COA6: variants seen among roughly 807,000 people sequenced by gnomAD.
COA6 encodes the protein cytochrome c oxidase assembly factor 6.
COA6 carries 12 observed loss-of-function variants against 17.1 expected under a neutral mutation model. The observed-to-expected ratio is 0.70, with a 90% confidence interval of 0.45 to 1.14. The LOEUF (loss-of-function observed/expected upper bound fraction) is 1.14, where lower values mean the gene tolerates loss of function less well. COA6 is among the 50% of genes most tolerant of loss of function. The probability of loss-of-function intolerance (pLI) is 0.00; values close to 1 mark genes in which losing one functional copy is unlikely to be tolerated. For missense variants in COA6, 246 were observed against 196.5 expected, an observed-to-expected ratio of 1.25 and a Z score of -1.51; for synonymous variants, 90 against 73.4, an observed-to-expected ratio of 1.23 and a Z score of -1.16.
In COA6 at chr1:234,374,270, A is replaced by C; in HGVS notation, c.253A>C (p.Arg85=). ...VGMAAPSMKE[R]QVCWGARDEY... ...AATGGCAGCCCCATCTATGAAGGAA[A>C]GACAGGTCTGCTGGGGGGCCCGGGA... Residue 85 remains arginine, a synonymous_variant, in exon 2 of 3, where the codon AGA becomes CGA. Coordinates refer to ENST00000366615, the MANE Select transcript of COA6 (RefSeq NM_001206641.3). 6.2e-7 allele frequency: 1 copy of C among 1,613,828 alleles called. No individual in the cohort carries two copies. Among genetic ancestry groups the C allele is most frequent in the Non-Finnish European group, 8.5e-7 (1 of 1,179,952 alleles).
rs1461162757 is a variant in COA6 at position 234,373,756 on chromosome 1, G to A, written c.212+78G>A. On this transcript the variant is annotated intron_variant, in intron 1 of 2. Transcript: ENST00000366615. ...GGTCCCTTACTGTCCCCGAGCCGCG[G>A]GTTCCTCTTGTGCAAAACGGGGTGG... 2.5e-6 allele frequency: 4 copies of A among 1,613,848 alleles called. No individual in the cohort carries two copies. In the South Asian group the frequency reaches 4.4e-5, roughly 18 times the overall value.
At chr1:234,380,094 A>T (rs1159341171) in intron 2 of COA6, among the ~76,000 whole-genome samples, 1 of 152,102 alleles carries the variant, frequency 6.6e-6, no homozygotes, top group Admixed American at 6.6e-5. Flanking sequence ...CTTCTGCACC[A>T]CTGTTCTTTC....
Position 234,383,792 on chromosome 1 carries a change from C to A in COA6, c.442C>A (p.Pro148Thr). ...KEKFEAGQFEPSETTAKS is the reference protein window; with the variant it reads ...KEKFEAGQFETSETTAKS Reference sequence around the variant, plus strand: ...AAAATTTGAAGCAGGACAATTTGAGCCTTCAGAAACAACTGCAAAATCCTA... The same window carrying A: ...AAAATTTGAAGCAGGACAATTTGAGACTTCAGAAACAACTGCAAAATCCTA... Residue 148 changes from proline (P) to threonine (T), a missense_variant, in exon 3 of 3, where the codon CCT becomes ACT. Physicochemically the swap from Pro to Thr is conservative, Grantham distance 38 (BLOSUM62 -1). Coordinates refer to ENST00000366615, the MANE Select transcript of COA6 (RefSeq NM_001206641.3). The A allele has an allele frequency of 6.3e-7, 1 of 1,576,880 alleles. No homozygotes were observed. The highest frequency in any genetic ancestry group is 8.7e-7 in the Non-Finnish European group (1 of 1,149,700).
At position 234,383,866 on chromosome 1, in the gene COA6, C is replaced by G. The variant is rs374349872; in HGVS notation, c.*48C>G. On this transcript the variant is annotated 3_prime_UTR_variant, in exon 3 of 3. Transcript: ENST00000366615. ...ATTCTTTCTGGACATTGAAAAAGCT[C>G]CACTGACTATGGAACAGTAATAGTT... 1 of 924,782 alleles carries G rather than the reference C, an allele frequency of 1.1e-6. No homozygotes were observed. The allele number at this position is 924,782 out of a possible 1,614,324, so 57.3% of individuals were successfully genotyped here. A position where few individuals can be genotyped will look rare whatever the true frequency, so the allele number is the denominator to read the frequency against.
chr1:234,383,114 G>A (rs1003261785), intron 2 of COA6, among the ~76,000 whole-genome samples: 3 of 151,602 alleles, frequency 2.0e-5, no homozygotes, highest in African/African-American at 7.3e-5. Flanking sequence ...ATGGTCCAAT[G>A]TGTTCTCATT....
intron 2 of COA6, among the ~76,000 whole-genome samples, chr1:234,383,433 T>C (rs1393569961): frequency 1.3e-5 from 2 of 151,636 alleles, no homozygotes; most frequent in Non-Finnish European, 2.9e-5. Flanking sequence ...ATACCTAATG[T>C]TAAATGGCGA....
At chr1:234,373,699 G>A (rs1221643712) in intron 1 of COA6, 21 bp downstream of exon 1, 2 of 1,613,624 alleles carry the variant, frequency 1.2e-6, no homozygotes, top group South Asian at 2.2e-5. Flanking sequence ...TGATGGGTCC[G>A]GGTGGGGCGC....
At chr1:234,373,930 G>A in intron 1 of COA6, 2 of 1,445,706 alleles carry the variant, frequency 1.4e-6, no homozygotes, top group African/African-American at 1.4e-5. Context: ...GCTGCCCTAA[G>A]CGACTGGGAC....
At chr1:234,382,880 G>A (rs1219364666) in intron 2 of COA6, among the ~76,000 whole-genome samples, 1 of 152,072 alleles carries the variant, frequency 6.6e-6, no homozygotes, top group African/African-American at 2.4e-5. Context: ...GGTAGCAGAT[G>A]CCTGTAATTG....
At chr1:234,381,587 TC>T (rs1658972646) in intron 2 of COA6, among the ~76,000 whole-genome samples, 1 of 152,158 alleles carries the variant, frequency 6.6e-6, no homozygotes, top group African/African-American at 2.4e-5. Context: ...AGTGACCTGA[TC>T]AAATTTGGGT....
At chr1:234,381,146 C>CT in intron 2 of COA6, among the ~76,000 whole-genome samples, 1 of 152,172 alleles carries the variant, frequency 6.6e-6, no homozygotes. Context: ...CATATATTGT[C>CT]TTTTTTCTAT....
rs1047996142 is a variant in COA6, at chr1:234,373,684, C to T, written c.212+6C>T. 10 of 1,612,706 alleles carry T rather than the reference C, an allele frequency of 6.2e-6. No individual in the cohort carries two copies. The highest frequency in any genetic ancestry group is 1.3e-5 in the African/African-American group (1 of 74,922). ...GGACGTGGGCGGGCAGAGAGGTCGGCTTGCTGATGGGTCCGGGTGGGGCGC... is the reference window on the plus strand; with the variant it reads ...GGACGTGGGCGGGCAGAGAGGTCGGTTTGCTGATGGGTCCGGGTGGGGCGC... On this transcript the variant is annotated splice_donor_region_variant and intron_variant, in intron 1 of 2. Transcript: ENST00000366615.
intron 2 of COA6, 59 bp downstream of exon 2, chr1:234,374,448 G>C (rs1027814726): frequency 1.3e-6 from 2 of 1,561,538 alleles, no homozygotes; most frequent in African/African-American, 1.4e-5. Context: ...CTTATACTGT[G>C]AGTGGTAGGC....
intron 2 of COA6, among the ~76,000 whole-genome samples, chr1:234,380,408 C>G (rs1449458319): frequency 6.6e-6 from 1 of 152,106 alleles, no homozygotes; most frequent in East Asian, 1.9e-4. Flanking sequence ...AACTAAGGTT[C>G]AGAAAGGTAA....
chr1:234,374,161 C>A, intron 1 of COA6, 69 bp from the exon 2 acceptor site: 4 of 1,261,408 alleles, frequency 3.2e-6, no homozygotes, highest in Non-Finnish European at 2.2e-6. Flanking sequence ...TGACGGTTTT[C>A]CTCTTTCCTT....
In COA6 at chr1:234,384,460, TAA is replaced by T. The variant is rs1357405165; in HGVS notation, c.*643_*644del. The stretch of plus-strand genomic sequence containing the variant: ...TGCACAAAAAGAGCTCCTAGAACTA[TAA>T]GTCAATCATAGAAAGGTTGCAGGAA... On this transcript the variant is annotated 3_prime_UTR_variant, in exon 3 of 3. Coordinates refer to ENST00000366615, the MANE Select transcript of COA6 (RefSeq NM_001206641.3). Among the ~76,000 whole-genome samples, 4 of 152,238 alleles carry T rather than the reference TAA, an allele frequency of 2.6e-5. No individual in the cohort carries two copies. Among genetic ancestry groups the T allele is most frequent in the Non-Finnish European group, 5.9e-5 (4 of 68,014 alleles).
Position 234,373,517 on chromosome 1 carries a change from C to A in COA6, c.51C>A (p.Cys17Ter). 2 of 1,608,174 alleles carry A rather than the reference C, an allele frequency of 1.2e-6. No homozygotes were observed. Among genetic ancestry groups the A allele is most frequent in the Non-Finnish European group, 1.7e-6 (2 of 1,177,204 alleles). ...QKSPRFRRVS[C>*]FLRLGRSTLL... is the part of the protein sequence containing the mutation. Reference sequence around the variant, plus strand: ...GTCCGCGGTTTCGCCGCGTGAGTTGCTTTTTGCGGCTGGGGAGGTCTACGC... The same window carrying A: ...GTCCGCGGTTTCGCCGCGTGAGTTGATTTTTGCGGCTGGGGAGGTCTACGC... Residue 17 changes from cysteine to a stop codon, truncating the protein, a stop_gained, in exon 1 of 3, where the codon TGC becomes TGA. Coordinates refer to ENST00000366615, the MANE Select transcript of COA6 (RefSeq NM_001206641.3). LOFTEE classifies it high-confidence loss of function.
chr1:234,383,109 C>A (rs944153338), intron 2 of COA6, among the ~76,000 whole-genome samples: 1 of 149,070 alleles, frequency 6.7e-6, no homozygotes, highest in Non-Finnish European at 1.5e-5. Context: ...GAAAAATGGT[C>A]CAATGTGTTC....
At chr1:234,374,469 C>T in intron 2 of COA6, 80 bp downstream of exon 2, 2 of 1,427,380 alleles carry the variant, frequency 1.4e-6, no homozygotes. Context: ...TGACATGAAG[C>T]GCTCTCTGAG....
Sources: allele counts gnomAD v4.1 joint callset (sites outside exome capture counted in the v4.1 genomes callset), GRCh38; gene constraint gnomAD v4.1.1; transcripts MANE v1.5; gene names NCBI Gene and HGNC (gene_info 2026-07-23, HGNC 2026-07-21).